The following ADAMTS13 variants were observed in gnomAD, a reference collection of about 807,000 sequenced individuals.
ADAMTS13 encodes the protein ADAM metallopeptidase with thrombospondin type 1 motif 13.
A neutral mutation model predicts 155.1 loss-of-function variants in ADAMTS13; 110 were observed. That is an observed-to-expected ratio of 0.71 (90% CI 0.61 to 0.83). The LOEUF (loss-of-function observed/expected upper bound fraction) is 0.83. ADAMTS13 is among the 40% of genes least tolerant of loss of function. The pLI, the probability that ADAMTS13 is intolerant of heterozygous loss-of-function variation, is 0.00. For missense variants in ADAMTS13, 1,707 were observed against 1,891.7 expected (o/e 0.90, Z 1.81); for synonymous variants, 758 against 756.4 (o/e 1.00, Z -0.03).
At chr9:133,436,776 A>AGGGGGGGGGGGGGGGGGGGGGGGGGGGG in intron 11 of ADAMTS13, 53 bp from the exon 12 acceptor site, 3 of 715,604 alleles carry the variant, frequency 4.2e-6, no homozygotes, top group Non-Finnish European at 6.7e-6. Context: ...CCCAGTGACA[A>AGGGGGGGGGGGGGGGGGGGGGGGGGGGG]CACCCGCCCC....
intron 23 of ADAMTS13, among the ~76,000 whole-genome samples, chr9:133,451,991 T>TTA (rs1491449408): frequency 1.5e-5 from 2 of 131,182 alleles, no homozygotes; most frequent in African/African-American, 6.4e-5. Flanking sequence ...GACCAAAGGA[T>TTA]TTTTTTTTTT....
chr9:133,422,574 T>C (rs1486718088), intron 1 of ADAMTS13, 26 bp downstream of exon 1: 2 of 1,611,350 alleles, frequency 1.2e-6, no homozygotes, highest in Non-Finnish European at 1.7e-6. Flanking sequence ...GGAGCGGGGG[T>C]ATTCTGGGAG....
chr9:133,448,308 C>T (rs1210816043), intron 21 of ADAMTS13, among the ~76,000 whole-genome samples: 1 of 152,158 alleles, frequency 6.6e-6, no homozygotes, highest in Non-Finnish European at 1.5e-5. Flanking sequence ...GCCTCTCGGT[C>T]AACAATAACA....
chr9:133,458,939 T>C (rs1554797038), intron 28 of ADAMTS13, 35 bp from the exon 29 acceptor site: 1 of 1,585,656 alleles, frequency 6.3e-7, no homozygotes, highest in Admixed American at 1.7e-5. Context: ...TTATTACTTG[T>C]GGCCGGTCCT....
chr9:133,437,995 G>T, intron 13 of ADAMTS13, 98 bp downstream of exon 13: 1 of 1,589,956 alleles, frequency 6.3e-7, no homozygotes, highest in Non-Finnish European at 8.6e-7. Flanking sequence ...TGATGGAGCT[G>T]CAGTGCCCTC....
intron 8 of ADAMTS13, among the ~76,000 whole-genome samples, chr9:133,430,842 A>G (rs931208648): frequency 4.6e-5 from 7 of 151,282 alleles, no homozygotes; most frequent in African/African-American, 1.7e-4. Flanking sequence ...TTGTATTTTT[A>G]GTAGAGACGG....
intron 25 of ADAMTS13, 108 bp downstream of exon 25, chr9:133,455,543 TC>T: frequency 6.2e-7 from 1 of 1,610,078 alleles, no homozygotes; most frequent in Non-Finnish European, 8.5e-7. Flanking sequence ...CCTGCTCTTC[TC>T]CCCGGCTCCC....
chr9:133,414,477 A>C (rs780478326), exon 1 of ADAMTS13: 32 of 710,560 alleles, frequency 4.5e-5, no homozygotes, highest in Non-Finnish European at 7.6e-5. Flanking sequence ...CGCTCGGAAG[A>C]AGCAGGCCCT....
chr9:133,456,011 G>C lies in ADAMTS13; in HGVS notation c.3401-58G>C, dbSNP rs949597332. 1 of 1,610,924 alleles carries C rather than the reference G, an allele frequency of 6.2e-7. No homozygotes were observed. Among genetic ancestry groups the C allele is most frequent in the Non-Finnish European group, 8.5e-7 (1 of 1,179,272 alleles). On this transcript the variant is annotated intron_variant, in intron 25 of 28. Coordinates refer to ENST00000355699, the MANE Select transcript of ADAMTS13 (RefSeq NM_139027.6). The surrounding 1 kb of genome is among the most constrained non-coding windows in gnomAD (Gnocchi z 4.4). ...CCTTCCTCAGCTTGGAAGCCCCGGA[G>C]CCTGCCCTGCTGGGAATCGGGGAAG...
chr9:133,414,828 T>C, intron 1 of ADAMTS13: 1 of 1,614,212 alleles, frequency 6.2e-7, no homozygotes, highest in South Asian at 1.1e-5. Context: ...CTGTCCATCT[T>C]GGAACCTGAA....
chr9:133,422,712 C>G (rs587749969), intron 1 of ADAMTS13, among the ~76,000 whole-genome samples, 164 bp downstream of exon 1: 44 of 152,216 alleles, frequency 2.9e-4, no homozygotes, highest in African/African-American at 8.7e-4. Flanking sequence ...AGTGTGCTCA[C>G]TGAAGAGGGA....
At position 133,424,887 on chromosome 9, in the gene ADAMTS13, C is replaced by A. The variant is rs892763721; in HGVS notation, c.330+409C>A. 6.6e-6 allele frequency among the ~76,000 whole-genome samples: 1 copy of A among 152,220 alleles called. No homozygotes were observed. The highest frequency in any genetic ancestry group is 1.5e-5 in the Non-Finnish European group (1 of 68,044). ...CTCAGAGTGGCGAGGACAGGTCACC[C>A]GTCTGAAGTCTAAACAGAGACTGCT... is the stretch of plus-strand genomic sequence containing the variant. On this transcript the variant is annotated intron_variant, in intron 3 of 28. Transcript: ENST00000355699. This position sits in a 1 kb window ranked among gnomAD's most constrained non-coding sequence, Gnocchi z 4.3.
rs1308521473 is a variant in ADAMTS13, at chr9:133,426,475, A to G, written c.686+130A>G. ...AGAGGAGCCTGTACCCCTCACCCCGACAGACTCAGGTGTGAGGACAGGGGA... is the reference window on the plus strand; with the variant it reads ...AGAGGAGCCTGTACCCCTCACCCCGGCAGACTCAGGTGTGAGGACAGGGGA... On this transcript the variant is annotated intron_variant, in intron 6 of 28. Transcript: ENST00000355699. 2.7e-5 allele frequency: 34 copies of G among 1,249,662 alleles called. No individual in the cohort carries two copies. The Admixed American group carries it at 3.2e-4, about 12-fold the overall frequency. 77.4% of individuals were successfully genotyped at this position (1,249,662 alleles called of 1,614,324 possible).
At chr9:133,421,681 G>A (rs1040088518), upstream of ADAMTS13, among the ~76,000 whole-genome samples, 2 of 152,188 alleles carry the variant, frequency 1.3e-5, no homozygotes, top group African/African-American at 2.4e-5. Context: ...AGAAACTAAC[G>A]ATGCAGGAGG....
At chr9:133,442,566 G>A (rs376785421) in intron 17 of ADAMTS13, 32 bp downstream of exon 17, 7 of 1,613,336 alleles carry the variant, frequency 4.3e-6, no homozygotes, top group Admixed American at 1.7e-5. Context: ...TCCACAGCAC[G>A]GCTTGCCCCT....
intron 11 of ADAMTS13, 39 bp from the exon 12 acceptor site, chr9:133,436,790 C>A: frequency 5.2e-6 from 3 of 580,936 alleles, no homozygotes; most frequent in Non-Finnish European, 9.1e-6. Flanking sequence ...CCGCCCCCCG[C>A]CCCACCGCCA....
At chr9:133,418,934 G>A (rs1237189957), upstream of ADAMTS13, among the ~76,000 whole-genome samples, 2 of 152,172 alleles carry the variant, frequency 1.3e-5, no homozygotes, top group Non-Finnish European at 2.9e-5. Context: ...TCTGCCGCCT[G>A]GGTTCAAGCG....
In ADAMTS13 at chr9:133,459,222, G is replaced by T; in HGVS notation, c.*42G>T. 16 of 1,555,460 alleles carry T rather than the reference G, an allele frequency of 1.0e-5. No homozygotes were observed. Among genetic ancestry groups the T allele is most frequent in the Non-Finnish European group, 1.3e-5 (15 of 1,143,662 alleles). ...GTTCCGTGTCTGGCCAGCCCTGGAG[G>T]GTTGACCCCTGGTCTCAGTGCTTTC... is the stretch of plus-strand genomic sequence containing the variant. On this transcript the variant is annotated 3_prime_UTR_variant, in exon 29 of 29. Coordinates refer to ENST00000355699, the MANE Select transcript of ADAMTS13 (RefSeq NM_139027.6).
chr9:133,449,997 C>T (rs904123087), intron 23 of ADAMTS13, 32 bp downstream of exon 23: 2 of 1,565,758 alleles, frequency 1.3e-6, no homozygotes, highest in Non-Finnish European at 1.7e-6. Flanking sequence ...GGGGCAGCTC[C>T]TGGTGTGTGC....
Sources: allele counts gnomAD v4.1 joint callset (sites outside exome capture counted in the v4.1 genomes callset), GRCh38; gene constraint gnomAD v4.1.1; non-coding constraint Gnocchi (gnomAD v3.1); transcripts MANE v1.5; gene names NCBI Gene and HGNC (gene_info 2026-07-23, HGNC 2026-07-21).